RALGPS1: variants seen among roughly 807,000 people sequenced by gnomAD.
RALGPS1 encodes the protein ras-specific guanine nucleotide-releasing factor RalGPS1.
Under a neutral mutation model 78.8 loss-of-function variants are expected in RALGPS1, and 19 were observed. The ratio of observed to expected loss-of-function variants is 0.24; its 90% CI spans 0.17 to 0.35. The LOEUF is 0.35. Ranked by LOEUF, RALGPS1 falls within the 10% of genes least tolerant of loss-of-function variation. RALGPS1 has a pLI of 1.00. For synonymous variants in RALGPS1, 228 were observed against 256.3 expected, an observed-to-expected ratio of 0.89 and a Z score of 1.06; for missense variants, 454 against 688.3, an observed-to-expected ratio of 0.66 and a Z score of 3.81.
At chr9:127,011,327 G>A (rs533296053) in intron 4 of RALGPS1, among the ~76,000 whole-genome samples, 3 of 152,126 alleles carry the variant, frequency 2.0e-5, no homozygotes, top group South Asian at 4.2e-4. Flanking sequence ...ACAGGTGCCC[G>A]CCACCATGCC....
intron 8 of RALGPS1, chr9:127,107,884 C>T (rs777317658): frequency 3.8e-5 from 57 of 1,510,664 alleles, no homozygotes; most frequent in Non-Finnish European, 4.8e-5. Context: ...GCTCTGAGAC[C>T]CACATGTAAC....
intron 8 of RALGPS1, among the ~76,000 whole-genome samples, chr9:127,073,252 C>A (rs1188035427): frequency 1.3e-5 from 2 of 152,190 alleles, no homozygotes; most frequent in African/African-American, 4.8e-5. Flanking sequence ...CACACACTTC[C>A]CAGCCTCTGG....
At chr9:126,979,274 T>TGC (rs2040999638) in intron 4 of RALGPS1, among the ~76,000 whole-genome samples, 2 of 151,058 alleles carry the variant, frequency 1.3e-5, no homozygotes, top group African/African-American at 2.4e-5. Flanking sequence ...TGTGTGTGTG[T>TGC]GCTTGTGTCT....
rs1479991317 is a variant in RALGPS1 at position 127,183,811 on chromosome 9, T to C, written c.910+9029T>C. 8 of 1,469,012 alleles carry C rather than the reference T, an allele frequency of 5.4e-6. No individual in the cohort carries two copies. The highest frequency in any genetic ancestry group is 1.7e-4 in the Middle Eastern group (1 of 5,746). The allele number at this position is 1,469,012 out of a possible 1,614,324, so 91.0% of individuals were successfully genotyped here. ...GGGCCCTCCATGAGGACCTCAGGGATAGGAGGCCAGTTGTGGCCCATTACT... is the reference window on the plus strand; with the variant it reads ...GGGCCCTCCATGAGGACCTCAGGGACAGGAGGCCAGTTGTGGCCCATTACT... On this transcript the variant is annotated intron_variant, in intron 11 of 18. Coordinates refer to ENST00000259351, the MANE Select transcript of RALGPS1 (RefSeq NM_014636.3). This position sits in a 1 kb window ranked among gnomAD's most constrained non-coding sequence, Gnocchi z 4.0.
intron 4 of RALGPS1, among the ~76,000 whole-genome samples, chr9:127,017,811 G>A (rs985053085): frequency 1.3e-5 from 2 of 151,860 alleles, no homozygotes; most frequent in African/African-American, 4.8e-5. Context: ...CATTAGCCTA[G>A]GTCTACTCAG....
chr9:126,928,151 A>T (rs2035471818), intron 1 of RALGPS1, among the ~76,000 whole-genome samples: 1 of 152,210 alleles, frequency 6.6e-6, no homozygotes, highest in African/African-American at 2.4e-5. Context: ...TGAGAGGTCC[A>T]GTGGGAAACT....
chr9:127,042,211 C>G (rs1047042383), intron 5 of RALGPS1, among the ~76,000 whole-genome samples: 6 of 151,870 alleles, frequency 4.0e-5, no homozygotes, highest in African/African-American at 1.5e-4. Context: ...CGTGGCATGT[C>G]CCAGATATCA....
chr9:126,947,132 G>A (rs2037352717), intron 1 of RALGPS1, among the ~76,000 whole-genome samples: 2 of 152,164 alleles, frequency 1.3e-5, no homozygotes, highest in African/African-American at 2.4e-5. Flanking sequence ...GATTCTTGTG[G>A]TCTTAGGCTA....
At chr9:126,973,453 T>C (rs2040312212) in intron 3 of RALGPS1, among the ~76,000 whole-genome samples, 1 of 152,152 alleles carries the variant, frequency 6.6e-6, no homozygotes. Context: ...CTGTGATGTA[T>C]AGGTGTATAT....
At chr9:127,152,216 G>A (rs1160824788) in intron 8 of RALGPS1, among the ~76,000 whole-genome samples, 2 of 152,146 alleles carry the variant, frequency 1.3e-5, no homozygotes, top group African/African-American at 2.4e-5. Context: ...GTGGGGAGGT[G>A]TGGTCTCTCT....
At chr9:126,948,500 A>C (rs769326041) in intron 1 of RALGPS1, among the ~76,000 whole-genome samples, 9 of 152,198 alleles carry the variant, frequency 5.9e-5, no homozygotes, top group Non-Finnish European at 7.3e-5. Context: ...CAGCCTGTGC[A>C]ACAGAGTGAA....
At chr9:127,155,019 C>T (rs1396301756) in intron 8 of RALGPS1, among the ~76,000 whole-genome samples, 4 of 152,116 alleles carry the variant, frequency 2.6e-5, no homozygotes, top group East Asian at 1.9e-4. Context: ...CTTTTAGTGA[C>T]GTTAGCTCCT....
intron 8 of RALGPS1, among the ~76,000 whole-genome samples, chr9:127,144,934 CA>C (rs1490446688): frequency 6.6e-6 from 1 of 152,082 alleles, no homozygotes; most frequent in Non-Finnish European, 1.5e-5. Flanking sequence ...GATAGTTACA[CA>C]ACAGCATGAA....
At chr9:126,991,016 G>C (rs1179292795) in intron 4 of RALGPS1, among the ~76,000 whole-genome samples, 1 of 152,202 alleles carries the variant, frequency 6.6e-6, no homozygotes, top group African/African-American at 2.4e-5. Context: ...GTGTCCACAA[G>C]TTGGGGCCAA....
intron 11 of RALGPS1, among the ~76,000 whole-genome samples, chr9:127,187,521 C>T (rs901625657): frequency 2.0e-5 from 3 of 152,240 alleles, no homozygotes; most frequent in African/African-American, 2.4e-5. Context: ...CAGAGCATAG[C>T]GCTGGGCGCA....
At chr9:127,110,211 T>C (rs1287424235) in intron 8 of RALGPS1, among the ~76,000 whole-genome samples, 1 of 152,210 alleles carries the variant, frequency 6.6e-6, no homozygotes, top group East Asian at 1.9e-4. Flanking sequence ...CCCTTCATTC[T>C]AGGTTGCCCT....
intron 14 of RALGPS1, among the ~76,000 whole-genome samples, chr9:127,206,961 C>T (rs1339625658): frequency 6.6e-6 from 1 of 152,096 alleles, no homozygotes; most frequent in East Asian, 1.9e-4. Flanking sequence ...AGTGACTCTA[C>T]GTCTCCAAGC....
At chr9:127,191,710 T>TC (rs1564761543) in intron 11 of RALGPS1, among the ~76,000 whole-genome samples, 1 of 149,028 alleles carries the variant, frequency 6.7e-6, no homozygotes, top group Non-Finnish European at 1.5e-5. Context: ...GTTTTTTTTT[T>TC]TTTTTGAGAT....
chr9:127,071,668 T>G (rs1338623881), intron 8 of RALGPS1, among the ~76,000 whole-genome samples: 1 of 152,238 alleles, frequency 6.6e-6, no homozygotes, highest in African/African-American at 2.4e-5. Flanking sequence ...TGTTGCATCC[T>G]ACGTGTTTTG....
Sources: gnomAD v4.1 joint callset for allele counts (sites outside exome capture counted in the v4.1 genomes callset) on GRCh38, gnomAD v4.1.1 for gene constraint, Gnocchi (gnomAD v3.1) non-coding constraint, MANE v1.5 for transcripts, NCBI Gene and HGNC (gene_info 2026-07-23, HGNC 2026-07-21) for gene names.